The following CBLB variants were observed in gnomAD, a reference collection of about 807,000 sequenced individuals.
CBLB encodes the protein E3 ubiquitin-protein ligase CBL-B.
CBLB carries 31 observed loss-of-function variants against 104.9 expected under a neutral mutation model. The ratio of observed to expected loss-of-function variants is 0.30; its 90% CI spans 0.22 to 0.40. The LOEUF (loss-of-function observed/expected upper bound fraction) is 0.40, where lower values mean the gene tolerates loss of function less well. Among genes scored for constraint, CBLB ranks in the 10% least tolerant of loss-of-function variants. The probability of loss-of-function intolerance (pLI) is 1.00; values close to 1 mark genes in which losing one functional copy is unlikely to be tolerated. For missense variants in CBLB, 1,062 were observed against 1,214.6 expected (o/e 0.87, Z 1.87); for synonymous variants, 440 against 422.6 (o/e 1.04, Z -0.51).
At chr3:105,868,276 C>T (rs1445257626) in intron 1 of CBLB, 3 of 1,205,452 alleles carry the variant, frequency 2.5e-6, no homozygotes, top group African/African-American at 3.1e-5. Context: ...AGAGCGGCCA[C>T]GGAAAGGAGG....
chr3:105,763,854 A>G (rs1466974442), intron 4 of CBLB, among the ~76,000 whole-genome samples: 1 of 152,212 alleles, frequency 6.6e-6, no homozygotes, highest in Non-Finnish European at 1.5e-5. Context: ...GGTCAGAGTC[A>G]AAGGACTTTG....
In CBLB at chr3:105,681,776, A is replaced by G; in HGVS notation, c.2244T>C (p.Gly748=). The change falls in exon 15 of 19, where the codon GGT becomes GGC. Residue 748 remains glycine, a synonymous_variant. Transcript: ENST00000394030. ...NGHCMLNGTH[G]PSSEKKSNIP... The stretch of plus-strand genomic sequence containing the variant: ...TGTTTGATTTCTTCTCTGAAGATGG[A>G]CCATGTGTTCCATTCAGCATACAGT... 1.2e-6 allele frequency: 2 copies of G among 1,611,482 alleles called. No homozygotes were observed. Among genetic ancestry groups the G allele is most frequent in the Non-Finnish European group, 1.7e-6 (2 of 1,177,816 alleles).
chr3:105,818,545 A>T (rs1278663437), intron 3 of CBLB, among the ~76,000 whole-genome samples: 1 of 152,160 alleles, frequency 6.6e-6, no homozygotes, highest in African/African-American at 2.4e-5. Flanking sequence ...TATGAAATTA[A>T]GGCAACTTAA....
At chr3:105,756,761 A>G (rs1174886428) in intron 4 of CBLB, among the ~76,000 whole-genome samples, 1 of 152,220 alleles carries the variant, frequency 6.6e-6, no homozygotes, top group Non-Finnish European at 1.5e-5. Context: ...AAAATTTTAG[A>G]AACTTATGTA....
chr3:105,705,683 AC>A (rs1176187748), intron 10 of CBLB, among the ~76,000 whole-genome samples: 1 of 152,200 alleles, frequency 6.6e-6, no homozygotes, highest in East Asian at 1.9e-4. Context: ...GCTGTTGCTG[AC>A]CTTAATTACC....
intron 9 of CBLB, among the ~76,000 whole-genome samples, chr3:105,727,854 G>C (rs1297674565): frequency 1.3e-5 from 2 of 152,138 alleles, no homozygotes; most frequent in Non-Finnish European, 1.5e-5. Context: ...GATGGTTGTA[G>C]ATGTGTCGCA....
chr3:105,868,532 C>T (rs1337904376), intron 1 of CBLB: 12 of 326,186 alleles, frequency 3.7e-5, no homozygotes, highest in Non-Finnish European at 5.2e-6. Flanking sequence ...CAGTCCTCAC[C>T]GCCGTCTGCC....
intron 2 of CBLB, among the ~76,000 whole-genome samples, chr3:105,862,409 C>CA (rs919166774): frequency 6.6e-6 from 1 of 152,156 alleles, no homozygotes; most frequent in African/African-American, 2.4e-5. Flanking sequence ...CCTCAAGAGT[C>CA]ACTTTCACTG....
At chr3:105,738,745 A>T (rs998289970) in intron 7 of CBLB, among the ~76,000 whole-genome samples, 3 of 152,166 alleles carry the variant, frequency 2.0e-5, no homozygotes, top group Non-Finnish European at 4.4e-5. Flanking sequence ...GGTAAATCAA[A>T]ATCTATACAC....
intron 2 of CBLB, among the ~76,000 whole-genome samples, chr3:105,866,224 T>C (rs1176148509): frequency 6.6e-6 from 1 of 152,236 alleles, no homozygotes; most frequent in Non-Finnish European, 1.5e-5. Flanking sequence ...CAGTCATTCA[T>C]CTGTGTGTCC....
chr3:105,714,547 A>T (rs2152813518), intron 10 of CBLB, among the ~76,000 whole-genome samples: 1 of 152,262 alleles, frequency 6.6e-6, no homozygotes. Flanking sequence ...GTGCAGTTCA[A>T]AATAGAGTTC....
intron 10 of CBLB, among the ~76,000 whole-genome samples, chr3:105,712,583 GTTC>G: frequency 6.6e-6 from 1 of 152,262 alleles, no homozygotes; most frequent in African/African-American, 2.4e-5. Context: ...GGTTACTGTA[GTTC>G]TTCACCCTAC....
chr3:105,768,063 A>G (rs920312448), intron 4 of CBLB, among the ~76,000 whole-genome samples: 5 of 152,254 alleles, frequency 3.3e-5, no homozygotes, highest in African/African-American at 1.2e-4. Context: ...GCCTGTATAT[A>G]AAACATTGTG....
intron 3 of CBLB, among the ~76,000 whole-genome samples, chr3:105,842,406 T>C (rs2089680291): frequency 6.6e-6 from 1 of 152,228 alleles, no homozygotes; most frequent in South Asian, 2.1e-4. Context: ...CATGTTTAAA[T>C]GAAGAGTGTC....
chr3:105,705,326 T>TA (rs1559894098), intron 10 of CBLB, among the ~76,000 whole-genome samples: 1 of 152,206 alleles, frequency 6.6e-6, no homozygotes, highest in Non-Finnish European at 1.5e-5. Flanking sequence ...AGGCTTTTGT[T>TA]AATTAACTAA....
At position 105,751,623 on chromosome 3, in the gene CBLB, G is replaced by T; in HGVS notation, c.567-5C>A. On this transcript the variant is annotated splice_region_variant and splice_polypyrimidine_tract_variant and intron_variant, in intron 4 of 18. Transcript: ENST00000394030. Reference sequence around the variant, plus strand: ...ACTTTCCATGGTACGATAGTTCTGTGCAAGGTGGAAAAAAAGGGAAATAAT... The same window carrying T: ...ACTTTCCATGGTACGATAGTTCTGTTCAAGGTGGAAAAAAAGGGAAATAAT... 6.2e-7 allele frequency: 1 copy of T among 1,612,040 alleles called. No individual in the cohort carries two copies. Among genetic ancestry groups the T allele is most frequent in the Non-Finnish European group, 8.5e-7 (1 of 1,178,256 alleles).
chr3:105,866,332 G>T (rs2092425319), intron 2 of CBLB, among the ~76,000 whole-genome samples: 1 of 152,122 alleles, frequency 6.6e-6, no homozygotes, highest in Non-Finnish European at 1.5e-5. Flanking sequence ...TTACAGACAG[G>T]AGCAAATCAA....
At chr3:105,804,850 T>C (rs1427396506) in intron 3 of CBLB, among the ~76,000 whole-genome samples, 2 of 152,118 alleles carry the variant, frequency 1.3e-5, no homozygotes, top group African/African-American at 4.8e-5. Flanking sequence ...TATTCCCCTA[T>C]AGTAGAACAG....
At chr3:105,798,220 A>G (rs1215198233) in intron 3 of CBLB, among the ~76,000 whole-genome samples, 1 of 152,232 alleles carries the variant, frequency 6.6e-6, no homozygotes. Context: ...CTTTTCTAAA[A>G]TGGAGTTTTA....
Sources: allele counts gnomAD v4.1 joint callset (sites outside exome capture counted in the v4.1 genomes callset), GRCh38; gene constraint gnomAD v4.1.1; transcripts MANE v1.5; gene names NCBI Gene and HGNC (gene_info 2026-07-23, HGNC 2026-07-21).